SIPA1L1: variants seen among roughly 807,000 people sequenced by gnomAD.
The protein encoded by SIPA1L1 is signal-induced proliferation-associated 1-like protein 1.
In SIPA1L1, 26 loss-of-function variants were observed where a neutral mutation model predicts 162.7. The ratio of observed to expected loss-of-function variants is 0.16; its 90% confidence interval spans 0.12 to 0.22. The LOEUF is 0.22. Ranked by LOEUF, SIPA1L1 falls within the 10% of genes least tolerant of loss-of-function variation. The probability of loss-of-function intolerance (pLI) is 1.00; values close to 1 mark genes in which losing one functional copy is unlikely to be tolerated. For missense variants in SIPA1L1, 1,874 were observed against 2,241.0 expected, an observed-to-expected ratio of 0.84 and a Z score of 3.31; for synonymous variants, 829 against 837.4, an observed-to-expected ratio of 0.99 and a Z score of 0.17.
At chr14:71,657,731 A>G (rs190861092) in intron 8 of SIPA1L1, among the ~76,000 whole-genome samples, 1 of 152,126 alleles carries the variant, frequency 6.6e-6, no homozygotes, top group African/African-American at 2.4e-5. Context: ...AAGTATTAGA[A>G]AAATGTTTCC....
chr14:71,659,281 A>G (rs1156327820), intron 9 of SIPA1L1, among the ~76,000 whole-genome samples: 1 of 152,208 alleles, frequency 6.6e-6, no homozygotes, highest in Non-Finnish European at 1.5e-5. Flanking sequence ...AACAGAGCAC[A>G]GGCCAGCTGC....
At chr14:71,531,190 T>G (rs150678120) in intron 4 of SIPA1L1, among the ~76,000 whole-genome samples, 158 of 152,322 alleles carry the variant, frequency 1.0e-3, no homozygotes, top group African/African-American at 3.8e-3. Flanking sequence ...CAGAGTGTGT[T>G]GGTTGCTGTT....
Position 71,377,160 on chromosome 14 carries a change from G to A in SIPA1L1, c.-465+55979G>A, listed in dbSNP as rs1233507690. On this transcript the variant is annotated intron_variant, in intron 2 of 23. Transcript: ENST00000381232. The surrounding 1 kb of genome is among the most constrained non-coding windows in gnomAD (Gnocchi z 4.8). ...CAGATGGGGCGGCCAGGCAGAGGCA[G>A]CCCCCACCTCCCAGATGGGGCGGCG... Among the ~76,000 whole-genome samples the A allele has an allele frequency of 6.7e-6, 1 of 148,180 alleles. No homozygotes were observed. Among genetic ancestry groups the A allele is most frequent in the East Asian group, 2.1e-4 (1 of 4,834 alleles).
intron 12 of SIPA1L1, among the ~76,000 whole-genome samples, chr14:71,673,636 A>G (rs934644808): frequency 1.3e-5 from 2 of 152,174 alleles, no homozygotes; most frequent in Non-Finnish European, 2.9e-5. Flanking sequence ...TGCTCAGGAT[A>G]GTATTTCCTA....
intron 2 of SIPA1L1, among the ~76,000 whole-genome samples, chr14:71,389,933 G>A (rs191216570): frequency 6.6e-6 from 1 of 152,260 alleles, no homozygotes; most frequent in East Asian, 1.9e-4. Context: ...TGATTTTCTA[G>A]TATTACCTGT....
chr14:71,699,216 G>A, intron 14 of SIPA1L1, 89 bp downstream of exon 14: 2 of 1,260,904 alleles, frequency 1.6e-6, no homozygotes, highest in Non-Finnish European at 2.3e-6. Flanking sequence ...CTTCCATTCA[G>A]CCAGCCTTGA....
At chr14:71,347,761 T>G (rs918256040) in intron 2 of SIPA1L1, among the ~76,000 whole-genome samples, 1 of 152,272 alleles carries the variant, frequency 6.6e-6, no homozygotes, top group Non-Finnish European at 1.5e-5. Context: ...GGTGAGCATC[T>G]TTTTATGTGT....
intron 7 of SIPA1L1, among the ~76,000 whole-genome samples, chr14:71,635,387 C>T (rs1278277473): frequency 6.6e-6 from 1 of 152,058 alleles, no homozygotes; most frequent in Admixed American, 6.5e-5. Flanking sequence ...AATTATTTTG[C>T]CATTTGAAGC....
intron 2 of SIPA1L1, chr14:71,398,392 C>T (rs2041398654): frequency 6.6e-6 from 1 of 152,136 alleles, no homozygotes; most frequent in Non-Finnish European, 1.5e-5. Context: ...AATGTTGATA[C>T]TTTGGGTTTG....
At position 71,723,630 on chromosome 14, in the gene SIPA1L1, G is replaced by A. The variant is rs1359127958; in HGVS notation, c.4209-17G>A. 2 of 1,613,514 alleles carry A rather than the reference G, an allele frequency of 1.2e-6. No individual in the cohort carries two copies. The highest frequency in any genetic ancestry group is 2.2e-5 in the South Asian group (2 of 91,074). On this transcript the variant is annotated splice_polypyrimidine_tract_variant and intron_variant, in intron 17 of 23. Transcript: ENST00000381232. ...ATGATCCTGAGATACACATGTCTTT[G>A]CCCTGCTTCTCCTCAGTACCATGAG...
intron 17 of SIPA1L1, among the ~76,000 whole-genome samples, chr14:71,713,524 T>C (rs1473218599): frequency 6.6e-6 from 1 of 152,258 alleles, no homozygotes; most frequent in African/African-American, 2.4e-5. Flanking sequence ...GTGTCTGACA[T>C]TATCACTGGA....
intron 7 of SIPA1L1, among the ~76,000 whole-genome samples, chr14:71,644,641 A>G (rs1290132373): frequency 6.6e-6 from 1 of 152,254 alleles, no homozygotes; most frequent in Admixed American, 6.5e-5. Context: ...TTTAGTTTAC[A>G]ATAATGAAAA....
At chr14:71,545,442 TTTCTGTGA>T (rs1355812800) in intron 4 of SIPA1L1, among the ~76,000 whole-genome samples, 1 of 152,182 alleles carries the variant, frequency 6.6e-6, no homozygotes, top group East Asian at 1.9e-4. Context: ...TATACTGGAT[TTTCTGTGA>T]TCCTCTAAGT....
intron 2 of SIPA1L1, among the ~76,000 whole-genome samples, chr14:71,457,301 A>ATTT (rs34181116): frequency 1.4e-5 from 2 of 139,782 alleles, no homozygotes; most frequent in East Asian, 2.1e-4. Flanking sequence ...TGCAATGAAC[A>ATTT]TTTTTTTTTT....
chr14:71,535,077 G>A (rs553155745), intron 4 of SIPA1L1, among the ~76,000 whole-genome samples: 6 of 152,248 alleles, frequency 3.9e-5, no homozygotes, highest in Non-Finnish European at 8.8e-5. Flanking sequence ...TAATTTTACC[G>A]TCCAGAAGTG....
intron 4 of SIPA1L1, among the ~76,000 whole-genome samples, chr14:71,565,688 A>C (rs1015807862): frequency 6.6e-6 from 1 of 152,172 alleles, no homozygotes; most frequent in East Asian, 1.9e-4. Context: ...TCCTTTAAAT[A>C]TTCTGGCCAT....
At chr14:71,446,037 T>C (rs933821669) in intron 2 of SIPA1L1, among the ~76,000 whole-genome samples, 6 of 152,040 alleles carry the variant, frequency 3.9e-5, no homozygotes, top group Non-Finnish European at 8.8e-5. Flanking sequence ...TTGTAGAAGA[T>C]GGAATCTCAC....
rs937320498 is a variant in SIPA1L1, at chr14:71,552,896, G to A, written c.-303+23526G>A. On this transcript the variant is annotated intron_variant, in intron 4 of 23. Transcript: ENST00000381232. The stretch of plus-strand genomic sequence containing the variant: ...CAGTGTCGAAAGTATTTCTAAACCA[G>A]GGTCTCAACCTTAGGACTCTGGCAT... Among the ~76,000 whole-genome samples the A allele has an allele frequency of 3.9e-5, 6 of 152,186 alleles. No homozygotes were observed. In the East Asian group the frequency reaches 7.7e-4, roughly 20 times the overall value.
intron 2 of SIPA1L1, among the ~76,000 whole-genome samples, chr14:71,502,652 C>T (rs2050354330): frequency 2.0e-5 from 3 of 152,064 alleles, no homozygotes; most frequent in Admixed American, 1.3e-4. Flanking sequence ...TTGCAGATAA[C>T]TAAAATAAAA....
Sources: gnomAD v4.1 joint callset for allele counts (sites outside exome capture counted in the v4.1 genomes callset) on GRCh38, gnomAD v4.1.1 for gene constraint, Gnocchi (gnomAD v3.1) non-coding constraint, MANE v1.5 for transcripts, NCBI Gene and HGNC (gene_info 2026-07-23, HGNC 2026-07-21) for gene names.